MEI4: variants seen among roughly 807,000 people sequenced by gnomAD.
The protein encoded by MEI4 is meiotic double-stranded break formation protein 4.
A neutral mutation model predicts 31.4 loss-of-function variants in MEI4; 27 were observed. The ratio of observed to expected loss-of-function variants is 0.86; its 90% confidence interval spans 0.63 to 1.19. MEI4 has a LOEUF of 1.19. Ranked by LOEUF, MEI4 falls within the 50% of genes most tolerant of loss-of-function variation. MEI4 has a pLI of 0.00. For synonymous variants in MEI4, 122 were observed against 145.4 expected (o/e 0.84, Z 1.16); for missense variants, 329 against 398.9 (o/e 0.82, Z 1.49).
chr6:77,717,809 G>T (rs1262101910), intron 2 of MEI4, among the ~76,000 whole-genome samples: 21 of 127,938 alleles, frequency 1.6e-4, no homozygotes, highest in Admixed American at 1.5e-3. Flanking sequence ...CAAGGCAGAA[G>T]AATTTTTCTT....
chr6:77,785,354 T>C (rs1046594312), intron 3 of MEI4, among the ~76,000 whole-genome samples: 18 of 152,174 alleles, frequency 1.2e-4, no homozygotes, highest in Non-Finnish European at 1.9e-4. Context: ...TTCTCAAGTA[T>C]ATATTACCAC....
chr6:77,830,319 T>C (rs953273396), intron 4 of MEI4, among the ~76,000 whole-genome samples: 3 of 152,080 alleles, frequency 2.0e-5, no homozygotes, highest in African/African-American at 7.2e-5. Context: ...GTGAGTTTAA[T>C]TGAATTCGAT....
intron 2 of MEI4, among the ~76,000 whole-genome samples, chr6:77,758,285 C>A (rs1457554193): frequency 6.6e-6 from 1 of 152,064 alleles, no homozygotes; most frequent in Non-Finnish European, 1.5e-5. Flanking sequence ...TTAATTATCT[C>A]CTTTTAAGCA....
chr6:77,767,555 G>A (rs1413828582), intron 3 of MEI4, among the ~76,000 whole-genome samples: 1 of 151,938 alleles, frequency 6.6e-6, no homozygotes, highest in Non-Finnish European at 1.5e-5. Context: ...ATATTAGCCA[G>A]GCATGGTCTT....
chr6:77,699,441 C>G (rs1766154015), intron 2 of MEI4, among the ~76,000 whole-genome samples: 1 of 152,144 alleles, frequency 6.6e-6, no homozygotes, highest in Non-Finnish European at 1.5e-5. Flanking sequence ...ATCCGCCCGC[C>G]TCGGCCTCCC....
In MEI4 at chr6:77,846,344, C is replaced by T. The variant is rs541273403; in HGVS notation, c.900+17282C>T. Reference sequence around the variant, plus strand: ...TTTTTTTGTCATTCGATGTGTTTATCTTTTTATCTTTTATTGGATTTCAGC... The same window carrying T: ...TTTTTTTGTCATTCGATGTGTTTATTTTTTTATCTTTTATTGGATTTCAGC... On this transcript the variant is annotated intron_variant, in intron 4 of 4. Transcript: ENST00000684080. Among the ~76,000 whole-genome samples, 213 of 152,088 alleles carry T rather than the reference C, an allele frequency of 1.4e-3. 1 individual carries two copies. The highest frequency in any genetic ancestry group is 4.5e-3 in the African/African-American group (187 of 41,496).
chr6:77,675,818 G>T (rs1768834295), intron 1 of MEI4, among the ~76,000 whole-genome samples: 1 of 152,086 alleles, frequency 6.6e-6, no homozygotes, highest in African/African-American at 2.4e-5. Flanking sequence ...ACTCAAATGG[G>T]CCACTACTAA....
chr6:77,800,205 T>C (rs62415493), intron 3 of MEI4, among the ~76,000 whole-genome samples: 1 of 152,144 alleles, frequency 6.6e-6, no homozygotes, highest in African/African-American at 2.4e-5. Flanking sequence ...TGAAGAGGTC[T>C]TTCACATACC....
At chr6:77,862,338 T>A (rs1419792244) in intron 4 of MEI4, among the ~76,000 whole-genome samples, 1 of 152,046 alleles carries the variant, frequency 6.6e-6, no homozygotes, top group Non-Finnish European at 1.5e-5. Flanking sequence ...AAGAAATGAG[T>A]GACAGACAAC....
intron 1 of MEI4, among the ~76,000 whole-genome samples, chr6:77,666,919 AGGCTGAGATGGTGGTC>A (rs1768649889): frequency 6.6e-6 from 1 of 151,462 alleles, no homozygotes; most frequent in Non-Finnish European, 1.5e-5. Flanking sequence ...CTGTGGTAGT[AGGCTGAGATGGTGGTC>A]ATCAGGGAAG....
chr6:77,836,405 T>A (rs1433716224), intron 4 of MEI4, among the ~76,000 whole-genome samples: 3 of 152,152 alleles, frequency 2.0e-5, no homozygotes, highest in Non-Finnish European at 4.4e-5. Context: ...TAGATTAAAA[T>A]TCTACATTAA....
At chr6:77,875,814 C>G (rs559989207) in intron 4 of MEI4, among the ~76,000 whole-genome samples, 1 of 152,094 alleles carries the variant, frequency 6.6e-6, no homozygotes, top group Admixed American at 6.6e-5. Context: ...ACCCTTTAAT[C>G]TTGGCACTTT....
intron 2 of MEI4, among the ~76,000 whole-genome samples, chr6:77,734,923 G>T (rs1474789234): frequency 6.6e-6 from 1 of 151,750 alleles, no homozygotes; most frequent in Admixed American, 6.6e-5. Flanking sequence ...TGAAATTCTG[G>T]GTTGAAAATT....
At chr6:77,859,421 A>G (rs545793688) in intron 4 of MEI4, among the ~76,000 whole-genome samples, 8 of 152,304 alleles carry the variant, frequency 5.3e-5, no homozygotes, top group Admixed American at 2.6e-4. Flanking sequence ...TTCTGGTTCT[A>G]GATCCTTGAG....
chr6:77,814,173 A>G (rs550401614), intron 3 of MEI4, among the ~76,000 whole-genome samples: 1 of 152,126 alleles, frequency 6.6e-6, no homozygotes, highest in Non-Finnish European at 1.5e-5. Context: ...AGGGAGAGTT[A>G]GGAGATTTTG....
chr6:77,657,901 C>T (rs1308103513), intron 1 of MEI4, among the ~76,000 whole-genome samples: 1 of 152,226 alleles, frequency 6.6e-6, no homozygotes, highest in Non-Finnish European at 1.5e-5. Context: ...TCCTCCTGTT[C>T]ACACTAACCC....
intron 2 of MEI4, among the ~76,000 whole-genome samples, chr6:77,740,649 GATT>G (rs947480707): frequency 6.6e-6 from 1 of 151,992 alleles, no homozygotes; most frequent in Non-Finnish European, 1.5e-5. Context: ...ATATGTGAGT[GATT>G]ATTATTAATG....
At chr6:77,666,903 G>A (rs1329655220) in intron 1 of MEI4, among the ~76,000 whole-genome samples, 1 of 151,934 alleles carries the variant, frequency 6.6e-6, no homozygotes, top group Admixed American at 6.6e-5. Context: ...GTGCGTGCAT[G>A]TGTTGCTGTG....
chr6:77,920,380 C>T (rs1396889921), intron 4 of MEI4, among the ~76,000 whole-genome samples: 1 of 151,942 alleles, frequency 6.6e-6, no homozygotes, highest in African/African-American at 2.4e-5. Context: ...AGCATATAAA[C>T]AGAGCCAAAG....
Sources: allele counts gnomAD v4.1 joint callset (sites outside exome capture counted in the v4.1 genomes callset), GRCh38; gene constraint gnomAD v4.1.1; transcripts MANE v1.5; gene names NCBI Gene and HGNC (gene_info 2026-07-23, HGNC 2026-07-21).